The following SLC24A2 variants were observed in gnomAD, a reference collection of about 807,000 sequenced individuals.
SLC24A2 encodes sodium/potassium/calcium exchanger 2.
Under a neutral mutation model 62.0 loss-of-function variants are expected in SLC24A2, and 36 were observed. The observed-to-expected ratio is 0.58, with a 90% confidence interval of 0.44 to 0.77. The LOEUF (loss-of-function observed/expected upper bound fraction) is 0.77. SLC24A2 is among the 30% of genes least tolerant of loss of function. The pLI is 0.00. For missense variants in SLC24A2, 846 were observed against 817.9 expected, an observed-to-expected ratio of 1.03 and a Z score of -0.42; for synonymous variants, 358 against 294.0, an observed-to-expected ratio of 1.22 and a Z score of -2.23.
intron 7 of SLC24A2, among the ~76,000 whole-genome samples, chr9:19,567,114 A>T (rs1275574921): frequency 6.6e-6 from 1 of 151,166 alleles, no homozygotes; most frequent in African/African-American, 2.4e-5. Context: ...ATAATAAAAA[A>T]AATATATATA....
the SLC24A2 span, among the ~76,000 whole-genome samples, chr9:20,043,868 G>A: frequency 2.6e-5 from 4 of 152,186 alleles, no homozygotes; most frequent in South Asian, 8.3e-4. Flanking sequence ...AGGACTGACC[G>A]ATTTTGAAAG....
chr9:20,064,377 G>A, the SLC24A2 span, among the ~76,000 whole-genome samples: 1 of 152,182 alleles, frequency 6.6e-6, no homozygotes, highest in East Asian at 1.9e-4. Flanking sequence ...GTTCTAAAAT[G>A]GAAATGTTCT....
the SLC24A2 span, among the ~76,000 whole-genome samples, chr9:20,136,890 CT>C: frequency 6.6e-6 from 1 of 152,084 alleles, no homozygotes; most frequent in Non-Finnish European, 1.5e-5. Flanking sequence ...CCTTTTTAAC[CT>C]TCTCACAAGG....
At chr9:20,106,784 G>C in the SLC24A2 span, among the ~76,000 whole-genome samples, 2 of 152,064 alleles carry the variant, frequency 1.3e-5, no homozygotes, top group South Asian at 2.1e-4. Flanking sequence ...TTTGAAAACT[G>C]GCACAAGACA....
the SLC24A2 span, among the ~76,000 whole-genome samples, chr9:19,964,728 C>T: frequency 6.6e-6 from 1 of 152,210 alleles, no homozygotes; most frequent in Admixed American, 6.5e-5. Flanking sequence ...TCTTAGTGCA[C>T]AGGTGTGTGG....
chr9:19,571,175 A>T (rs763637394), intron 7 of SLC24A2, among the ~76,000 whole-genome samples: 7 of 152,080 alleles, frequency 4.6e-5, no homozygotes, highest in Non-Finnish European at 1.0e-4. Flanking sequence ...CTGCTGCCAC[A>T]CGCTGCTTAT....
intron 2 of SLC24A2, among the ~76,000 whole-genome samples, chr9:19,680,479 T>C (rs889192596): frequency 6.6e-6 from 1 of 152,126 alleles, no homozygotes; most frequent in African/African-American, 2.4e-5. Flanking sequence ...CCTTCTCTAC[T>C]GTTGACAAGG....
At chr9:19,877,050 T>TAGAGA in the SLC24A2 span, among the ~76,000 whole-genome samples, 8 of 152,006 alleles carry the variant, frequency 5.3e-5, no homozygotes, top group Non-Finnish European at 1.0e-4. Context: ...TATATTAATA[T>TAGAGA]GAACCTTTGC....
chr9:20,258,012 G>C, the SLC24A2 span, among the ~76,000 whole-genome samples: 2 of 152,130 alleles, frequency 1.3e-5, no homozygotes, highest in African/African-American at 4.8e-5. Flanking sequence ...TAAATCAATA[G>C]TGTCCTTACC....
the SLC24A2 span, among the ~76,000 whole-genome samples, chr9:19,954,003 G>C: frequency 7.3e-5 from 11 of 151,574 alleles, 1 homozygote; most frequent in East Asian, 2.1e-3. Context: ...TGCCCCATTA[G>C]TTCACCGTAG....
At chr9:19,932,676 A>G in the SLC24A2 span, among the ~76,000 whole-genome samples, 2,830 of 152,302 alleles carry the variant, frequency 0.019, 87 homozygotes, top group African/African-American at 0.057. Flanking sequence ...TGCTGTCTTT[A>G]GTTTTCAACT....
At chr9:19,636,283 TCTC>T (rs772204607) in intron 2 of SLC24A2, among the ~76,000 whole-genome samples, 901 of 77,690 alleles carry the variant, frequency 0.012, 99 homozygotes, top group African/African-American at 0.021. Flanking sequence ...CTTCTCTTCT[TCTC>T]TTCTTTTCTT....
chr9:19,547,155 T>C (rs1458164956), intron 8 of SLC24A2, among the ~76,000 whole-genome samples: 1 of 151,968 alleles, frequency 6.6e-6, no homozygotes, highest in East Asian at 1.9e-4. Context: ...GCTCAATAAA[T>C]ATTTGTGAAG....
chr9:19,686,500 T>C (rs1010260818), intron 2 of SLC24A2, among the ~76,000 whole-genome samples: 1 of 152,082 alleles, frequency 6.6e-6, no homozygotes, highest in Non-Finnish European at 1.5e-5. Flanking sequence ...TCATCTTGAG[T>C]TGTAGTTTCC....
the SLC24A2 span, among the ~76,000 whole-genome samples, chr9:20,091,327 C>A: frequency 1.1e-4 from 17 of 152,078 alleles, no homozygotes; most frequent in Middle Eastern, 3.4e-3. Flanking sequence ...ACTGGAGAGG[C>A]CAACAGTCAA....
the SLC24A2 span, among the ~76,000 whole-genome samples, chr9:19,932,302 T>C: frequency 1.3e-5 from 2 of 152,194 alleles, no homozygotes; most frequent in Admixed American, 1.3e-4. Flanking sequence ...CGGTAGATAT[T>C]TTTTAACTGC....
At chr9:20,079,806 C>A in the SLC24A2 span, among the ~76,000 whole-genome samples, 1 of 152,070 alleles carries the variant, frequency 6.6e-6, no homozygotes. Context: ...GCTGAAGTTG[C>A]CTATCAGCTT....
chr9:20,147,999 C>A, the SLC24A2 span, among the ~76,000 whole-genome samples: 3 of 152,050 alleles, frequency 2.0e-5, no homozygotes, highest in African/African-American at 7.2e-5. Flanking sequence ...CATATTATCA[C>A]TTTCTATAAT....
At chr9:19,819,183 T>G in the SLC24A2 span, among the ~76,000 whole-genome samples, 11 of 152,156 alleles carry the variant, frequency 7.2e-5, no homozygotes, top group African/African-American at 9.7e-5. Flanking sequence ...TCTCTCACCT[T>G]ATACAAAAAC....
Sources: allele counts gnomAD v4.1 joint callset (sites outside exome capture counted in the v4.1 genomes callset), GRCh38; gene constraint gnomAD v4.1.1; transcripts MANE v1.5; gene names NCBI Gene and HGNC (gene_info 2026-07-23, HGNC 2026-07-21).